The following C8B variants were observed in gnomAD, a reference collection of about 807,000 sequenced individuals.
C8B encodes complement component C8 beta chain.
C8B carries 67 observed loss-of-function variants against 64.6 expected under a neutral mutation model. The ratio of observed to expected loss-of-function variants is 1.04; its 90% confidence interval spans 0.85 to 1.27. C8B has a LOEUF of 1.27. Ranked by LOEUF, C8B falls within the 50% of genes most tolerant of loss-of-function variation. The probability of loss-of-function intolerance (pLI) is 0.00; values close to 1 mark genes in which losing one functional copy is unlikely to be tolerated. For synonymous variants in C8B, 284 were observed against 257.7 expected, an observed-to-expected ratio of 1.10 and a Z score of -0.98; for missense variants, 790 against 725.2, an observed-to-expected ratio of 1.09 and a Z score of -1.03.
chr1:56,950,046 T>C (rs747800226), intron 5 of C8B, among the ~76,000 whole-genome samples: 2 of 152,050 alleles, frequency 1.3e-5, no homozygotes, highest in Non-Finnish European at 2.9e-5. Flanking sequence ...AGCAAAAGCA[T>C]GGAGGTGGGA....
intron 1 of C8B, among the ~76,000 whole-genome samples, chr1:56,960,858 G>A (rs951611335): frequency 1.3e-5 from 2 of 151,950 alleles, no homozygotes; most frequent in Admixed American, 6.5e-5. Flanking sequence ...TGAGTTTCGG[G>A]TGGGGCATGC....
At chr1:56,929,624 G>C in intron 11 of C8B, 66 bp from the exon 12 acceptor site, 1 of 1,525,656 alleles carries the variant, frequency 6.6e-7, no homozygotes, top group Non-Finnish European at 9.1e-7. Flanking sequence ...TACTGGGGTT[G>C]GGTGAGCTAT....
At chr1:56,955,442 G>A (rs978187603) in intron 3 of C8B, among the ~76,000 whole-genome samples, 1 of 152,074 alleles carries the variant, frequency 6.6e-6, no homozygotes, top group African/African-American at 2.4e-5. Flanking sequence ...CATCCCTTTT[G>A]CTTCCTTTAA....
Position 56,943,803 on chromosome 1 carries a change from T to A in C8B, c.1127A>T (p.His376Leu). Reference sequence around the variant, plus strand: ...TTTAAAATCATTTTTGGCACAGGCATGGACGTTGTTAAGAGTATAATCTGA... The same window carrying A: ...TTTAAAATCATTTTTGGCACAGGCAAGGACGTTGTTAAGAGTATAATCTGA... ...ERGDYTLNNV[H>L]ACAKNDFKIG... The change falls in exon 8 of 12, where the codon CAT becomes CTT. Residue 376 changes from histidine to leucine, a missense_variant. Coordinates refer to ENST00000371237, the MANE Select transcript of C8B (RefSeq NM_000066.4). 2 of 1,614,092 alleles carry A rather than the reference T, an allele frequency of 1.2e-6. No individual in the cohort carries two copies.
Position 56,952,160 on chromosome 1 carries a change from CTGTT to C in C8B, c.550_553del (p.Asn184ValfsTer22), listed in dbSNP as rs1464732473. The C allele has an allele frequency of 5.6e-6, 9 of 1,614,072 alleles. No homozygotes were observed. The highest frequency in any genetic ancestry group is 1.3e-5 in the African/African-American group (1 of 74,942). On this transcript the variant is annotated frameshift_variant, in exon 5 of 12. Coordinates refer to ENST00000371237, the MANE Select transcript of C8B (RefSeq NM_000066.4). LOFTEE classifies it high-confidence loss of function. The stretch of plus-strand genomic sequence containing the variant: ...GTGATCAAGAACTGGGCCCTCAAAA[CTGTT>C]TGTGAACAAATTTATCCTGTGAGGA...
At chr1:56,965,609 A>G (rs911472983) in intron 1 of C8B, among the ~76,000 whole-genome samples, 1 of 152,192 alleles carries the variant, frequency 6.6e-6, no homozygotes, top group Non-Finnish European at 1.5e-5. Context: ...AAAATATCCT[A>G]TTCTTCTCAG....
intron 9 of C8B, among the ~76,000 whole-genome samples, chr1:56,940,474 G>T (rs1444076581): frequency 6.6e-6 from 1 of 152,008 alleles, no homozygotes; most frequent in Non-Finnish European, 1.5e-5. Context: ...GGAGGTTGAG[G>T]CAGGAGGATC....
chr1:56,954,718 G>T lies in C8B; in HGVS notation c.501C>A (p.Asp167Glu). ...RIYKKCQHEM[D>E]QYWGIGSLAS... is the part of the protein sequence containing the mutation. ...CCAGACTGCCAATTCCCCAGTATTG[G>T]TCCATTTCATGCTGACATTTTTTAT... is the stretch of plus-strand genomic sequence containing the variant. Residue 167 changes from aspartate (D) to glutamate (E), a missense_variant, in exon 4 of 12, where the codon GAC becomes GAA. Physicochemically the swap from Asp to Glu is conservative, Grantham distance 45. Coordinates refer to ENST00000371237, the MANE Select transcript of C8B (RefSeq NM_000066.4). 4 of 1,614,150 alleles carry T rather than the reference G, an allele frequency of 2.5e-6. No individual in the cohort carries two copies. Among genetic ancestry groups the T allele is most frequent in the Non-Finnish European group, 3.4e-6 (4 of 1,180,012 alleles).
intron 8 of C8B, among the ~76,000 whole-genome samples, chr1:56,941,548 AG>A (rs1644863390): frequency 6.7e-6 from 1 of 149,232 alleles, no homozygotes; most frequent in Non-Finnish European, 1.5e-5. Context: ...ATAGATAGAT[AG>A]ATAATAGACA....
intron 1 of C8B, among the ~76,000 whole-genome samples, chr1:56,960,914 A>G (rs1645170565): frequency 6.6e-6 from 1 of 151,938 alleles, no homozygotes; most frequent in Admixed American, 6.5e-5. Context: ...CATTTAGTAA[A>G]TAGTTCCTAT....
intron 9 of C8B, among the ~76,000 whole-genome samples, chr1:56,939,739 C>T (rs1344600433): frequency 6.6e-6 from 1 of 152,082 alleles, no homozygotes; most frequent in African/African-American, 2.4e-5. Context: ...TCATCAAACC[C>T]ACAGGAAAGT....
At chr1:56,965,398 A>AGAGAGAGAGTGTGTGTGT (rs1553120321) in intron 1 of C8B, among the ~76,000 whole-genome samples, 1 of 142,578 alleles carries the variant, frequency 7.0e-6, no homozygotes, top group Admixed American at 7.0e-5. Flanking sequence ...AGAGAGAGAG[A>AGAGAGAGAGTGTGTGTGT]GTGTGTGTGT....
At chr1:56,935,124 G>A (rs1280152905) in intron 9 of C8B, among the ~76,000 whole-genome samples, 1 of 152,126 alleles carries the variant, frequency 6.6e-6, no homozygotes, top group East Asian at 1.9e-4. Flanking sequence ...GGTATTACCA[G>A]AATTCTATTC....
At chr1:56,960,639 G>T (rs1156833851) in intron 1 of C8B, among the ~76,000 whole-genome samples, 4 of 152,196 alleles carry the variant, frequency 2.6e-5, no homozygotes, top group Non-Finnish European at 5.9e-5. Context: ...CCCACTGAGT[G>T]GTATAAGCCT....
Position 56,940,969 on chromosome 1 carries a change from C to A in C8B, c.1278G>T (p.Leu426=), listed in dbSNP as rs745563033. The A allele has an allele frequency of 1.2e-5, 20 of 1,613,758 alleles. No homozygotes were observed. The highest frequency in any genetic ancestry group is 1.2e-4 in the South Asian group (11 of 91,060). The change falls in exon 9 of 12, where the codon CTG becomes CTT. Residue 426 remains leucine, a synonymous_variant. Transcript: ENST00000371237. ...TGTGCTCACTTGCCCCTCCTCGTAC[C>A]AGGACCACCAAGTCCTCCACCATGG... ...RDTMVEDLVV[L]VRGGASEHIT... is the part of the protein sequence containing the mutation.
chr1:56,951,506 T>C (rs1035777192), intron 5 of C8B, among the ~76,000 whole-genome samples: 2 of 152,138 alleles, frequency 1.3e-5, no homozygotes, highest in East Asian at 1.9e-4. Context: ...GGGGCTTACA[T>C]TGGTAGAGCA....
chr1:56,932,384 G>T (rs534190818), intron 10 of C8B, among the ~76,000 whole-genome samples: 1 of 152,222 alleles, frequency 6.6e-6, no homozygotes, highest in South Asian at 2.1e-4. Context: ...TCCTTACAGG[G>T]TGTCCATCAT....
At chr1:56,955,892 G>A (rs866734616) in intron 3 of C8B, among the ~76,000 whole-genome samples, 1 of 152,300 alleles carries the variant, frequency 6.6e-6, no homozygotes, top group Non-Finnish European at 1.5e-5. Context: ...ATTTTTGCTG[G>A]AGATGGAGAA....
rs1645031873 is a variant in C8B, at chr1:56,952,163, T to C, written c.551A>G (p.Asn184Ser). 6.2e-7 allele frequency: 1 copy of C among 1,614,024 alleles called. No individual in the cohort carries two copies. Among genetic ancestry groups the C allele is most frequent in the Admixed American group, 1.7e-5 (1 of 60,010 alleles). Residue 184 changes from asparagine (N) to serine (S), a missense_variant, in exon 5 of 12, where the codon AAC becomes AGC. Asn to Ser is a conservative substitution (Grantham distance 46). Coordinates refer to ENST00000371237, the MANE Select transcript of C8B (RefSeq NM_000066.4). ...SLASGINLFT[N>S]SFEGPVLDHR... ...ATCAAGAACTGGGCCCTCAAAACTG[T>C]TTGTGAACAAATTTATCCTGTGAGG...
Sources: gnomAD v4.1 joint callset for allele counts (sites outside exome capture counted in the v4.1 genomes callset) on GRCh38, gnomAD v4.1.1 for gene constraint, MANE v1.5 for transcripts, NCBI Gene and HGNC (gene_info 2026-07-23, HGNC 2026-07-21) for gene names.